Variants in TRIOBP observed in about 807,000 individuals in gnomAD.
TRIOBP encodes the protein TRIO and F-actin-binding protein.
In TRIOBP, 169 loss-of-function variants were observed where a neutral mutation model predicts 238.8. The observed-to-expected ratio is 0.71, with a 90% CI of 0.62 to 0.80. TRIOBP has a LOEUF of 0.80. Among genes scored for constraint, TRIOBP ranks in the 30% least tolerant of loss-of-function variants. TRIOBP has a pLI of 0.00. For synonymous variants in TRIOBP, 1,150 were observed against 1,274.4 expected (o/e 0.90, Z 2.08); for missense variants, 2,838 against 3,122.6 (o/e 0.91, Z 2.17).
intron 7 of TRIOBP, among the ~76,000 whole-genome samples, chr22:37,726,745 G>T (rs1209213119): frequency 6.6e-6 from 1 of 152,178 alleles, no homozygotes. Context: ...AAAGACTGCA[G>T]TCAGGAGGGC....
intron 7 of TRIOBP, among the ~76,000 whole-genome samples, chr22:37,728,910 G>C (rs570362814): frequency 1.5e-4 from 23 of 152,146 alleles, no homozygotes; most frequent in Admixed American, 1.2e-3. Context: ...AGTCTTCAGT[G>C]TCTTTAACTT....
rs367562137 is a variant in TRIOBP, at chr22:37,725,617, C to T, written c.3061C>T (p.Arg1021Trp). 1.4e-5 allele frequency: 22 copies of T among 1,613,892 alleles called. No homozygotes were observed. In the Middle Eastern group the frequency reaches 4.9e-4, roughly 36 times the overall value. Residue 1021 changes from arginine (R) to tryptophan (W), a missense_variant, in exon 7 of 24, where the codon CGG becomes TGG. Arg to Trp is a moderately radical substitution (Grantham distance 101, BLOSUM62 -3). Transcript: ENST00000644935. ...QPPCAVCIGH[R>W]DAPRASSPPR... ...TCCATGTGCTGTGTGCATTGGGCAC[C>T]GGGATGCCCCTCGAGCCTCTTCGCC... is the stretch of plus-strand genomic sequence containing the variant.
intron 11 of TRIOBP, among the ~76,000 whole-genome samples, chr22:37,748,147 C>A (rs543425247): frequency 6.6e-6 from 1 of 152,272 alleles, no homozygotes; most frequent in South Asian, 2.1e-4. Context: ...AGGGCTTGGA[C>A]AGGGGCAATA....
At chr22:37,773,177 G>GTGGTTGGTTGGT (rs3041692) in intron 23 of TRIOBP, among the ~76,000 whole-genome samples, 4 of 149,960 alleles carry the variant, frequency 2.7e-5, no homozygotes, top group African/African-American at 4.9e-5. Context: ...AGGGCTCAAA[G>GTGGTTGGTTGGT]TGGTTGGTTG....
At position 37,776,084 on chromosome 22, in the gene TRIOBP, A is replaced by G. The variant is rs1053167334; in HGVS notation, c.*2304A>G. On this transcript the variant is annotated 3_prime_UTR_variant, in exon 24 of 24. Transcript: ENST00000644935. ...ATCCTCTGCCTCCCTTCTAGCCTCA[A>G]CCTAACTCAGGGCTCCCCCGTCTCA... 5.9e-5 allele frequency: 9 copies of G among 151,938 alleles called. No homozygotes were observed. The highest frequency in any genetic ancestry group is 2.9e-5 in the Non-Finnish European group (2 of 68,030). 9.4% of individuals were successfully genotyped at this position (151,938 alleles called of 1,614,324 possible). A position where few individuals can be genotyped will look rare whatever the true frequency, so the allele number is the denominator to read the frequency against.
At chr22:37,751,153 G>A (rs1925575010) in intron 11 of TRIOBP, 1 of 427,624 alleles carries the variant, frequency 2.3e-6, no homozygotes, top group Non-Finnish European at 4.8e-6. Flanking sequence ...GCTGCAGCTG[G>A]TAGCCCCCAG....
intron 3 of TRIOBP, among the ~76,000 whole-genome samples, chr22:37,706,502 G>C (rs1922950004): frequency 6.6e-6 from 1 of 152,130 alleles, no homozygotes; most frequent in Non-Finnish European, 1.5e-5. Context: ...ATGGTTTCAA[G>C]AGAGGGGGCC....
rs1927003002 is a variant in TRIOBP at position 37,775,792 on chromosome 22, AAAAAG to A, written c.*2013_*2017del. On this transcript the variant is annotated 3_prime_UTR_variant, in exon 24 of 24. Coordinates refer to ENST00000644935, the MANE Select transcript of TRIOBP (RefSeq NM_001039141.3). ...ACAAGGGCGAAACTCCATCTCAAAA[AAAAAG>A]GGGGAGGGTGGCGCAAGGAGAGGAC... 1.3e-5 allele frequency: 2 copies of A among 152,170 alleles called. No homozygotes were observed. The highest frequency in any genetic ancestry group is 1.3e-4 in the Admixed American group (2 of 15,264). The allele number at this position is 152,170 out of a possible 1,614,324, so 9.4% of individuals were successfully genotyped here.
At chr22:37,731,946 C>G (rs1485966418) in intron 7 of TRIOBP, among the ~76,000 whole-genome samples, 1 of 152,302 alleles carries the variant, frequency 6.6e-6, no homozygotes, top group East Asian at 1.9e-4. Context: ...ACAGGCCCAC[C>G]ACAGACAGCA....
intron 2 of TRIOBP, among the ~76,000 whole-genome samples, chr22:37,700,690 A>G (rs12627973): frequency 0.19 from 28,121 of 151,468 alleles, 3,192 homozygotes; most frequent in South Asian, 0.29. Flanking sequence ...TGGAATCTGC[A>G]TTTTTTTGTT....
intron 22 of TRIOBP, 28 bp downstream of exon 22, chr22:37,771,764 G>A (rs746916526): frequency 1.3e-4 from 214 of 1,608,318 alleles, no homozygotes; most frequent in Non-Finnish European, 8.7e-5. Context: ...GCTGGGGGCC[G>A]TCGGGGACTC....
intron 11 of TRIOBP, among the ~76,000 whole-genome samples, chr22:37,744,871 A>G (rs78890818): frequency 7.0e-6 from 1 of 143,426 alleles, no homozygotes; most frequent in South Asian, 2.1e-4. Flanking sequence ...TAAAAGCAAT[A>G]ATTTTTTTTT....
intron 14 of TRIOBP, 158 bp from the exon 15 acceptor site, chr22:37,755,392 C>A: frequency 1.1e-6 from 1 of 904,460 alleles, no homozygotes. Flanking sequence ...GGGCTCTTCC[C>A]AGGCCAATGG....
intron 3 of TRIOBP, among the ~76,000 whole-genome samples, chr22:37,704,084 A>G (rs554710137): frequency 5.1e-4 from 78 of 152,240 alleles, no homozygotes; most frequent in Non-Finnish European, 1.1e-3. Flanking sequence ...ATGATGGGGA[A>G]ATCATGATAA....
At chr22:37,771,857 T>C (rs1569064975) in intron 22 of TRIOBP, 121 bp downstream of exon 22, 1 of 883,470 alleles carries the variant, frequency 1.1e-6, no homozygotes. Flanking sequence ...GGCTCTCCTG[T>C]GCTTCTCCCA....
At chr22:37,755,514 G>A (rs1367644369) in intron 14 of TRIOBP, 36 bp from the exon 15 acceptor site, 4 of 1,582,468 alleles carry the variant, frequency 2.5e-6, no homozygotes, top group South Asian at 1.1e-5. Flanking sequence ...CATGCGGCTG[G>A]CCATGTGGCA....
Position 37,730,205 on chromosome 22 carries a change from C to T in TRIOBP, c.3948-3093C>T, listed in dbSNP as rs939581152. 3.3e-5 allele frequency among the ~76,000 whole-genome samples: 5 copies of T among 152,248 alleles called. No individual in the cohort carries two copies. In the East Asian group the frequency reaches 7.7e-4, roughly 24 times the overall value. ...AGGTCGAAGAACCCATCTAAGCTTCCGAAGGAAACGTTTCCTTTGTCATGC... is the reference window on the plus strand; with the variant it reads ...AGGTCGAAGAACCCATCTAAGCTTCTGAAGGAAACGTTTCCTTTGTCATGC... On this transcript the variant is annotated intron_variant, in intron 7 of 23. Coordinates refer to ENST00000644935, the MANE Select transcript of TRIOBP (RefSeq NM_001039141.3).
chr22:37,708,119 G>A (rs1438223213), intron 3 of TRIOBP, among the ~76,000 whole-genome samples: 9 of 143,192 alleles, frequency 6.3e-5, no homozygotes, highest in Non-Finnish European at 1.1e-4. Flanking sequence ...GGTGGCGGGC[G>A]TCCATAGTCC....
At chr22:37,750,994 G>A (rs1925562673) in intron 11 of TRIOBP, 2 of 373,394 alleles carry the variant, frequency 5.4e-6, no homozygotes, top group South Asian at 2.0e-5. Context: ...AGAGGGACCG[G>A]GACTTAGATG....
Sources: allele counts gnomAD v4.1 joint callset (sites outside exome capture counted in the v4.1 genomes callset), GRCh38; gene constraint gnomAD v4.1.1; transcripts MANE v1.5; gene names NCBI Gene and HGNC (gene_info 2026-07-23, HGNC 2026-07-21).